Variants in OMA1 observed in about 807,000 individuals in gnomAD.
OMA1 encodes the protein OMA1 zinc metallopeptidase, also known as metalloendopeptidase OMA1, mitochondrial.
In OMA1, 38 loss-of-function variants were observed where a neutral mutation model predicts 30.9. The observed-to-expected ratio is 1.23, with a 90% CI of 0.95 to 1.61. OMA1 has a LOEUF of 1.61. Among genes scored for constraint, OMA1 ranks in the 40% most tolerant of loss-of-function variants. OMA1 has a pLI of 0.00. For synonymous variants in OMA1, 173 were observed against 121.9 expected (o/e 1.42, Z -2.76); for missense variants, 461 against 349.2 (o/e 1.32, Z -2.55).
intron 8 of OMA1, among the ~76,000 whole-genome samples, chr1:58,481,843 A>G (rs1307330999): frequency 6.6e-6 from 1 of 152,200 alleles, no homozygotes; most frequent in Non-Finnish European, 1.5e-5. Flanking sequence ...GTAAGACATG[A>G]CTTTTCTCCT....
intron 8 of OMA1, among the ~76,000 whole-genome samples, chr1:58,493,590 T>A (rs879431237): frequency 0.17 from 25,769 of 149,812 alleles, 2,265 homozygotes; most frequent in Middle Eastern, 0.22. Context: ...AAAATCAATG[T>A]GCAAAAATCA....
At chr1:58,538,735 G>A in intron 2 of OMA1, 60 bp downstream of exon 2, 1 of 693,184 alleles carries the variant, frequency 1.4e-6, no homozygotes, top group East Asian at 2.6e-5. Flanking sequence ...TAATACGTTA[G>A]CACAAAATAT....
chr1:58,504,056 C>T (rs1645948840), intron 8 of OMA1, among the ~76,000 whole-genome samples: 1 of 152,160 alleles, frequency 6.6e-6, no homozygotes, highest in Non-Finnish European at 1.5e-5. Flanking sequence ...CCTAAAAAGT[C>T]TCCCTGACTC....
chr1:58,499,967 GA>G (rs890548462), intron 8 of OMA1, among the ~76,000 whole-genome samples: 4 of 151,712 alleles, frequency 2.6e-5, no homozygotes, highest in Admixed American at 6.6e-5. Context: ...AAAAAAAGAA[GA>G]AAAAAATGGA....
Position 58,534,254 on chromosome 1 carries a change from A to G in OMA1, c.807T>C (p.His269=), listed in dbSNP as rs775920250. 1.3e-5 allele frequency: 11 copies of G among 871,632 alleles called. 1 individual carries two copies. The highest frequency in any genetic ancestry group is 6.6e-5 in the South Asian group (5 of 76,100). The allele number at this position is 871,632 out of a possible 1,614,324, so 54.0% of individuals were successfully genotyped here. ...RYLAVKEVLC[H]LIECNKDVPG... is the part of the protein sequence containing the mutation. ...GAACATCTTTATTGCATTCAATTAG[A>G]TGACAAAGCACTTCTTTAACAGCCA... The change falls in exon 4 of 9, where the codon CAT becomes CAC. Residue 269 remains histidine (H), a synonymous_variant. Coordinates refer to ENST00000371226, the MANE Select transcript of OMA1 (RefSeq NM_145243.5).
At chr1:58,526,622 A>G (rs887560559) in intron 7 of OMA1, among the ~76,000 whole-genome samples, 1 of 147,684 alleles carries the variant, frequency 6.8e-6, no homozygotes, top group South Asian at 2.1e-4. Flanking sequence ...AAAAAAAGCC[A>G]TCTGCTACAA....
At chr1:58,496,602 G>A (rs555563696) in intron 8 of OMA1, among the ~76,000 whole-genome samples, 26 of 152,186 alleles carry the variant, frequency 1.7e-4, no homozygotes, top group African/African-American at 6.0e-4. Flanking sequence ...GTTTACATGA[G>A]GGTCCTTGTG....
chr1:58,500,551 A>G (rs1306522282), intron 8 of OMA1, among the ~76,000 whole-genome samples: 1 of 152,198 alleles, frequency 6.6e-6, no homozygotes, highest in African/African-American at 2.4e-5. Context: ...TGCAGCCACC[A>G]AGTGATTCTG....
intron 8 of OMA1, among the ~76,000 whole-genome samples, chr1:58,497,146 G>A (rs963087213): frequency 2.0e-5 from 3 of 152,118 alleles, no homozygotes; most frequent in African/African-American, 4.8e-5. Flanking sequence ...GAAATACCAC[G>A]AAGAAGCAAT....
chr1:58,503,586 T>C (rs189229733), intron 8 of OMA1, among the ~76,000 whole-genome samples: 18 of 152,180 alleles, frequency 1.2e-4, no homozygotes, highest in Non-Finnish European at 2.1e-4. Context: ...TGGGAGGCGA[T>C]TGTCATAAGG....
intron 1 of OMA1, among the ~76,000 whole-genome samples, chr1:58,545,048 C>T (rs564804714): frequency 6.6e-6 from 1 of 152,252 alleles, no homozygotes; most frequent in South Asian, 2.1e-4. Flanking sequence ...CGTTGGTTTT[C>T]CATGGCTTCC....
chr1:58,539,680 G>C (rs1245114075), intron 1 of OMA1, among the ~76,000 whole-genome samples: 3 of 152,292 alleles, frequency 2.0e-5, no homozygotes, highest in East Asian at 3.9e-4. Context: ...ATGTGATACA[G>C]AATAGTAAAA....
chr1:58,519,212 C>G lies in OMA1; in HGVS notation c.1215+8049G>C, dbSNP rs908657671. 3.9e-5 allele frequency among the ~76,000 whole-genome samples: 6 copies of G among 152,314 alleles called. 1 individual carries two copies. In the South Asian group the frequency reaches 1.2e-3, roughly 32 times the overall value. On this transcript the variant is annotated intron_variant, in intron 7 of 8. Transcript: ENST00000371226. ...TACTCCCTTTTCCACTGCCAATCCT[C>G]AAACACTGACAAACCAGTTTACTTG...
chr1:58,513,919 A>G (rs773298504), intron 7 of OMA1, among the ~76,000 whole-genome samples: 37 of 152,248 alleles, frequency 2.4e-4, no homozygotes, highest in Non-Finnish European at 5.1e-4. Context: ...TTTGAACACA[A>G]GTAGTCTGGT....
chr1:58,487,165 T>C (rs1645590319), intron 8 of OMA1, among the ~76,000 whole-genome samples: 1 of 152,184 alleles, frequency 6.6e-6, no homozygotes, highest in Non-Finnish European at 1.5e-5. Context: ...TGACTTTTAC[T>C]AGGAAAGGAG....
At chr1:58,490,795 C>T (rs866391482) in intron 8 of OMA1, among the ~76,000 whole-genome samples, 677 of 59,098 alleles carry the variant, frequency 0.011, 8 homozygotes, top group African/African-American at 0.035. Flanking sequence ...AGTCAACATT[C>T]TTTTTTTTTT....
chr1:58,504,348 C>G (rs1261702304), intron 8 of OMA1, among the ~76,000 whole-genome samples: 2 of 152,174 alleles, frequency 1.3e-5, no homozygotes, highest in Non-Finnish European at 2.9e-5. Context: ...TTCTCTGCAT[C>G]AGCTGCTTCC....
intron 2 of OMA1, among the ~76,000 whole-genome samples, chr1:58,537,655 T>C (rs1475754761): frequency 6.6e-6 from 1 of 152,220 alleles, no homozygotes; most frequent in Non-Finnish European, 1.5e-5. Flanking sequence ...AAATTTACCA[T>C]ATATACATCA....
chr1:58,519,993 G>T (rs1465859367), intron 7 of OMA1, among the ~76,000 whole-genome samples: 1 of 152,188 alleles, frequency 6.6e-6, no homozygotes, highest in Non-Finnish European at 1.5e-5. Flanking sequence ...ACAGTCAGAG[G>T]TTAAGTGATT....
Sources: gnomAD v4.1 joint callset for allele counts (sites outside exome capture counted in the v4.1 genomes callset) on GRCh38, gnomAD v4.1.1 for gene constraint, MANE v1.5 for transcripts, NCBI Gene and HGNC (gene_info 2026-07-23, HGNC 2026-07-21) for gene names.